RYR1: variants seen among roughly 807,000 people sequenced by gnomAD.
RYR1 encodes the protein ryanodine receptor 1.
RYR1 carries 342 observed loss-of-function variants against 583.5 expected under a neutral mutation model. The observed-to-expected ratio is 0.59, with a 90% CI of 0.54 to 0.64. The LOEUF (loss-of-function observed/expected upper bound fraction) is 0.64, where lower values mean the gene tolerates loss of function less well. Among genes scored for constraint, RYR1 ranks in the 30% least tolerant of loss-of-function variants. The probability of loss-of-function intolerance (pLI) is 0.00; values close to 1 mark genes in which losing one functional copy is unlikely to be tolerated. For missense variants in RYR1, 6,032 were observed against 6,917.2 expected (o/e 0.87, Z 4.54); for synonymous variants, 2,791 against 2,822.5 (o/e 0.99, Z 0.35).
intron 23 of RYR1, among the ~76,000 whole-genome samples, chr19:38,465,563 G>A (rs113362913): frequency 3.3e-5 from 5 of 152,148 alleles, no homozygotes; most frequent in Admixed American, 6.6e-5. Flanking sequence ...TCGGGAATTC[G>A]AGACCAGCCT....
intron 81 of RYR1, chr19:38,535,753 C>T: frequency 1.6e-6 from 1 of 610,370 alleles, no homozygotes; most frequent in Non-Finnish European, 2.9e-6. Context: ...TTCCTACCCT[C>T]TGCAGCTTTT....
intron 78 of RYR1, 130 bp from the exon 79 acceptor site, chr19:38,534,590 A>C: frequency 2.6e-6 from 2 of 769,912 alleles, no homozygotes; most frequent in Non-Finnish European, 4.6e-6. Flanking sequence ...CAGGGGATGG[A>C]GGGAGCTCAT....
At position 38,483,703 on chromosome 19, in the gene RYR1, G is replaced by C. The variant is rs919824789; in HGVS notation, c.4934+187G>C. The stretch of plus-strand genomic sequence containing the variant: ...CCAGATTATGTCCCAGGGGGATTCA[G>C]ACTCAACGCAGGAGGCTCTACACCA... On this transcript the variant is annotated intron_variant, in intron 33 of 105. Transcript: ENST00000359596. The surrounding 1 kb of genome is among the most constrained non-coding windows in gnomAD (Gnocchi z 6.3). Among the ~76,000 whole-genome samples, 5 of 151,906 alleles carry C rather than the reference G, an allele frequency of 3.3e-5. No individual in the cohort carries two copies. The highest frequency in any genetic ancestry group is 1.2e-4 in the African/African-American group (5 of 41,322).
At chr19:38,555,480 C>A (rs911546997) in intron 89 of RYR1, among the ~76,000 whole-genome samples, 1 of 150,190 alleles carries the variant, frequency 6.7e-6, no homozygotes, top group Non-Finnish European at 1.5e-5. Flanking sequence ...TGTGTGTGTG[C>A]GCACGTGTGT....
At chr19:38,493,809 C>T (rs566117467) in intron 38 of RYR1, among the ~76,000 whole-genome samples, 71 of 152,168 alleles carry the variant, frequency 4.7e-4, no homozygotes, top group Admixed American at 5.2e-4. Flanking sequence ...TGTGAGCCAC[C>T]GCACCCAGCC....
chr19:38,536,432 G>A (rs1477703059), intron 82 of RYR1, among the ~76,000 whole-genome samples: 1 of 151,482 alleles, frequency 6.6e-6, no homozygotes, highest in East Asian at 1.9e-4. Flanking sequence ...TCTTTGCCGT[G>A]TTGTGACGTG....
At chr19:38,582,980 T>G (rs1419432272) in intron 101 of RYR1, among the ~76,000 whole-genome samples, 1 of 152,036 alleles carries the variant, frequency 6.6e-6, no homozygotes, top group East Asian at 1.9e-4. Context: ...GACTGTGTTC[T>G]CTCACATCCT....
chr19:38,570,743 G>T (rs1973678769), intron 94 of RYR1, 50 bp downstream of exon 94: 1 of 1,423,548 alleles, frequency 7.0e-7, no homozygotes, highest in South Asian at 1.1e-5. Flanking sequence ...CATGCTGTGG[G>T]ATGGGAGGCT....
chr19:38,505,459 C>A, intron 53 of RYR1, 61 bp downstream of exon 53: 1 of 1,224,958 alleles, frequency 8.2e-7, no homozygotes, highest in South Asian at 1.3e-5. Flanking sequence ...TTTGAGGATT[C>A]GGGGAGGAGT....
intron 89 of RYR1, among the ~76,000 whole-genome samples, chr19:38,550,224 A>G (rs919127344): frequency 1.3e-5 from 2 of 152,006 alleles, no homozygotes; most frequent in African/African-American, 4.8e-5. Flanking sequence ...TTCTTTCGTC[A>G]ATGTCTTTTC....
chr19:38,487,485 A>C (rs58636221), intron 34 of RYR1, among the ~76,000 whole-genome samples: 33,669 of 150,998 alleles, frequency 0.22, 5,179 homozygotes, highest in African/African-American at 0.43. Flanking sequence ...TCCCAAGTAG[A>C]TGGGATTACA....
intron 69 of RYR1, chr19:38,523,533 CTT>C (rs1171797603): frequency 3.2e-6 from 2 of 617,738 alleles, no homozygotes; most frequent in East Asian, 5.5e-5. Context: ...CCATCTCCCT[CTT>C]CTCTCATCTC....
chr19:38,504,954 G>A, intron 51 of RYR1, 43 bp downstream of exon 51: 1 of 1,614,140 alleles, frequency 6.2e-7, no homozygotes, highest in Non-Finnish European at 8.5e-7. Flanking sequence ...GATTTCAGGG[G>A]TGGAGGGAAC....
Position 38,527,835 on chromosome 19 carries a change from CG to C in RYR1, c.10824+57del, listed in dbSNP as rs1344266777. 24 of 1,570,604 alleles carry C rather than the reference CG, an allele frequency of 1.5e-5. No homozygotes were observed. The African/African-American group carries it at 1.8e-4, about 12-fold the overall frequency. ...TACTGGGTCTCTGGGCGGAGCCTGG[CG>C]GGGGGAGGGGCTTCAAGGATGTGGG... is the stretch of plus-strand genomic sequence containing the variant. On this transcript the variant is annotated intron_variant, in intron 73 of 105. Coordinates refer to ENST00000359596, the MANE Select transcript of RYR1 (RefSeq NM_000540.3).
rs773607432 is a variant in RYR1, at chr19:38,494,408, G to C, written c.6331G>C (p.Val2111Leu). 1.2e-6 allele frequency: 2 copies of C among 1,612,062 alleles called. No individual in the cohort carries two copies. Among genetic ancestry groups the C allele is most frequent in the Non-Finnish European group, 1.7e-6 (2 of 1,180,018 alleles). ...MVVRWAQEDF[V>L]QSPELVRAMF... ...GGTGCGCTGGGCCCAAGAGGACTTC[G>C]TGCAGAGCCCCGAGCTGGTGCGGGC... Residue 2111 changes from valine (V) to leucine (L), a missense_variant, in exon 39 of 106, where the codon GTG becomes CTG. Transcript: ENST00000359596.
intron 83 of RYR1, among the ~76,000 whole-genome samples, chr19:38,537,357 C>T (rs186232189): frequency 5.9e-5 from 9 of 152,226 alleles, no homozygotes; most frequent in Admixed American, 2.0e-4. Flanking sequence ...CTTGTTTACA[C>T]GCCTCCCCTG....
chr19:38,468,996 T>C lies in RYR1; in HGVS notation c.3412T>C (p.Phe1138Leu). The change falls in exon 26 of 106, where the codon TTT (phenylalanine) becomes CTT (leucine). Residue 1138 changes from phenylalanine to leucine, a missense_variant. Physicochemically the swap from Phe to Leu is conservative, Grantham distance 22. This residue lies in a region of RYR1 where 2,627 missense variants were observed against 2,961.3 expected (regional missense o/e 0.89). Transcript: ENST00000359596. ...GQRWHLGSEP[F>L]GRPWQPGDVV... ...GCGCTGGCACTTGGGCAGTGAACCA[T>C]TTGGGCGCCCCTGGCAGCCGGGCGA... is the stretch of plus-strand genomic sequence containing the variant. 1 of 1,614,096 alleles carries C rather than the reference T, an allele frequency of 6.2e-7. No homozygotes were observed. The highest frequency in any genetic ancestry group is 8.5e-7 in the Non-Finnish European group (1 of 1,180,012).
intron 84 of RYR1, among the ~76,000 whole-genome samples, chr19:38,540,333 AC>A (rs1479166145): frequency 6.6e-6 from 1 of 151,350 alleles, no homozygotes; most frequent in African/African-American, 2.4e-5. Flanking sequence ...AAAATCATAT[AC>A]TACAGTATAA....
At chr19:38,529,659 GA>G (rs1308309201) in intron 76 of RYR1, among the ~76,000 whole-genome samples, 2 of 152,078 alleles carry the variant, frequency 1.3e-5, no homozygotes, top group African/African-American at 2.4e-5. Flanking sequence ...AGTATATTAT[GA>G]AAAAAATCCA....
Sources: gnomAD v4.1 joint callset for allele counts (sites outside exome capture counted in the v4.1 genomes callset) on GRCh38, gnomAD v4.1.1 for gene constraint, gnomAD v4.1.1 regional missense constraint, Gnocchi (gnomAD v3.1) non-coding constraint, MANE v1.5 for transcripts, NCBI Gene and HGNC (gene_info 2026-07-23, HGNC 2026-07-21) for gene names.